The following TJP2 variants were observed in gnomAD, a reference collection of about 807,000 sequenced individuals.
TJP2 encodes the protein Friedreich ataxia region gene X104 (tight junction protein ZO-2).
Under a neutral mutation model 133.1 loss-of-function variants are expected in TJP2, and 91 were observed. The observed-to-expected ratio is 0.68, with a 90% CI of 0.58 to 0.81. The LOEUF (loss-of-function observed/expected upper bound fraction) is 0.81. TJP2 is among the 40% of genes least tolerant of loss of function. The pLI, the probability that TJP2 is intolerant of heterozygous loss-of-function variation, is 0.00. For missense variants in TJP2, 1,541 were observed against 1,565.6 expected, an observed-to-expected ratio of 0.98 and a Z score of 0.26; for synonymous variants, 592 against 583.4, an observed-to-expected ratio of 1.01 and a Z score of -0.21.
chr9:69,241,624 A>G (rs923306219), intron 17 of TJP2, among the ~76,000 whole-genome samples: 1 of 152,142 alleles, frequency 6.6e-6, no homozygotes, highest in African/African-American at 2.4e-5. Context: ...AGTCTTACGT[A>G]CTCATACTCT....
intron 5 of TJP2, among the ~76,000 whole-genome samples, 162 bp from the exon 6 acceptor site, chr9:69,225,142 A>G (rs1365813387): frequency 6.6e-6 from 1 of 151,876 alleles, no homozygotes; most frequent in Non-Finnish European, 1.5e-5. Flanking sequence ...TTTGTTTTTT[A>G]TGGCATTGAC....
chr9:69,182,758 C>G (rs1478458330), intron 1 of TJP2, among the ~76,000 whole-genome samples: 3 of 149,794 alleles, frequency 2.0e-5, no homozygotes, highest in African/African-American at 7.3e-5. Flanking sequence ...TACACACACA[C>G]AAATCTCAAG....
chr9:69,162,444 A>G (rs1343046715), intron 2 of TJP2, among the ~76,000 whole-genome samples: 1 of 152,162 alleles, frequency 6.6e-6, no homozygotes, highest in Non-Finnish European at 1.5e-5. Flanking sequence ...ATTCTGCGTG[A>G]GTCTTACAAG....
chr9:69,218,456 C>A, intron 4 of TJP2, 97 bp downstream of exon 4: 1 of 885,940 alleles, frequency 1.1e-6, no homozygotes, highest in Non-Finnish European at 1.9e-6. Context: ...GACAGAATTA[C>A]ATAACCTAGG....
intron 22 of TJP2, chr9:69,253,914 G>GT: frequency 2.2e-6 from 1 of 456,420 alleles, no homozygotes; most frequent in Non-Finnish European, 4.1e-6. Flanking sequence ...TCGCTGCTGG[G>GT]TGAGACTAGC....
chr9:69,221,455 G>A lies in TJP2; in HGVS notation c.911G>A (p.Gly304Glu), dbSNP rs200222645. ...AGCCCCGAGCCTAGGGGGCGGCCGG[G>A]GCCCATCGGGGTCCTCCTGATGAAA... ...SPSPEPRGRP[G>E]PIGVLLMKSR... The change falls in exon 5 of 23, where the codon GGG becomes GAG. Residue 304 changes from glycine to glutamate, a missense_variant. Transcript: ENST00000377245. The A allele has an allele frequency of 1.9e-4, 301 of 1,596,986 alleles. 1 individual carries two copies. In the East Asian group the frequency reaches 6.6e-3, roughly 35 times the overall value.
chr9:69,247,927 G>T, intron 18 of TJP2, 85 bp from the exon 19 acceptor site: 1 of 1,357,728 alleles, frequency 7.4e-7, no homozygotes, highest in Non-Finnish European at 9.9e-7. Context: ...TCAGTCGCTT[G>T]GCTGTGTCCT....
At chr9:69,155,262 A>C (rs928029612) in intron 2 of TJP2, among the ~76,000 whole-genome samples, 1 of 151,800 alleles carries the variant, frequency 6.6e-6, no homozygotes, top group African/African-American at 2.4e-5. Flanking sequence ...AAAAGAAAAC[A>C]AAAGAAGTGA....
intron 2 of TJP2, among the ~76,000 whole-genome samples, chr9:69,152,817 C>CTTTTTTTTTTTTTTTT (rs10543289): frequency 2.1e-5 from 1 of 47,996 alleles, no homozygotes; most frequent in Non-Finnish European, 4.0e-5. Context: ...CTCTGGAGCT[C>CTTTTTTTTTTTTTTTT]TTTTTTTTTT....
At chr9:69,164,962 T>C (rs1381538776) in intron 2 of TJP2, among the ~76,000 whole-genome samples, 1 of 152,176 alleles carries the variant, frequency 6.6e-6, no homozygotes, top group African/African-American at 2.4e-5. Context: ...CCCGAGTAGC[T>C]GGGATTACAG....
intron 1 of TJP2, among the ~76,000 whole-genome samples, chr9:69,205,810 G>A (rs992357829): frequency 2.0e-5 from 3 of 152,152 alleles, no homozygotes; most frequent in African/African-American, 7.2e-5. Flanking sequence ...CTGGGCAGCA[G>A]CAGTCTGTGG....
intron 1 of TJP2, among the ~76,000 whole-genome samples, chr9:69,135,533 C>T (rs963176739): frequency 3.0e-4 from 45 of 152,046 alleles, no homozygotes; most frequent in Middle Eastern, 3.2e-3. Flanking sequence ...CTCTGCCTCC[C>T]GGATTCAGGT....
chr9:69,196,348 A>G lies in TJP2; in HGVS notation c.61-16200A>G, dbSNP rs1202183281. 2.0e-5 allele frequency among the ~76,000 whole-genome samples: 3 copies of G among 152,204 alleles called. No individual in the cohort carries two copies. In the South Asian group the frequency reaches 6.2e-4, roughly 31 times the overall value. On this transcript the variant is annotated intron_variant, in intron 1 of 22. Transcript: ENST00000377245. ...AGTGTCCTTTCTGTAAAATGAGTCT[A>G]TTAATAATGATATTGATAATAGCTA... is the stretch of plus-strand genomic sequence containing the variant.
At chr9:69,249,592 G>C in intron 20 of TJP2, 107 bp downstream of exon 20, 1 of 1,544,210 alleles carries the variant, frequency 6.5e-7, no homozygotes, top group East Asian at 2.5e-5. Flanking sequence ...GTTTAATTAC[G>C]GTTCTGACTC....
At chr9:69,134,838 C>T (rs887914436) in intron 1 of TJP2, among the ~76,000 whole-genome samples, 1 of 152,028 alleles carries the variant, frequency 6.6e-6, no homozygotes, top group Admixed American at 6.6e-5. Flanking sequence ...TGGTCAGGTT[C>T]GTGGTGAGAA....
At chr9:69,195,994 A>G (rs1176358686) in intron 1 of TJP2, among the ~76,000 whole-genome samples, 2 of 152,148 alleles carry the variant, frequency 1.3e-5, no homozygotes, top group Non-Finnish European at 2.9e-5. Context: ...ACAGGGCCTC[A>G]CTCTGTCACC....
At chr9:69,200,644 T>G (rs1321983485) in intron 1 of TJP2, among the ~76,000 whole-genome samples, 1 of 152,210 alleles carries the variant, frequency 6.6e-6, no homozygotes, top group Admixed American at 6.5e-5. Flanking sequence ...TGCTCCCACT[T>G]CAGCCTCTTA....
chr9:69,135,715 C>T (rs1293796153), intron 1 of TJP2, among the ~76,000 whole-genome samples: 1 of 152,104 alleles, frequency 6.6e-6, no homozygotes, highest in Non-Finnish European at 1.5e-5. Flanking sequence ...AAGCAATTCT[C>T]CTGCCTCAGC....
At chr9:69,184,976 C>T (rs1193995271) in intron 1 of TJP2, among the ~76,000 whole-genome samples, 2 of 152,064 alleles carry the variant, frequency 1.3e-5, no homozygotes, top group African/African-American at 4.8e-5. Flanking sequence ...CCTTGAACTC[C>T]TGGGCTCAGG....
Sources: gnomAD v4.1 joint callset for allele counts (sites outside exome capture counted in the v4.1 genomes callset) on GRCh38, gnomAD v4.1.1 for gene constraint, MANE v1.5 for transcripts, NCBI Gene and HGNC (gene_info 2026-07-23, HGNC 2026-07-21) for gene names.